Variants in ZNF485 observed in about 807,000 individuals in gnomAD.
ZNF485 encodes zinc finger protein 485, also known as Zinc finger protein 93 (Zinc finger protein HTF34).
A neutral mutation model predicts 10.8 loss-of-function variants in ZNF485; 9 were observed. The ratio of observed to expected loss-of-function variants is 0.83; its 90% CI spans 0.50 to 1.45. The LOEUF is 1.45. Among genes scored for constraint, ZNF485 ranks in the 40% most tolerant of loss-of-function variants. The probability of loss-of-function intolerance (pLI) is 0.00; values close to 1 mark genes in which losing one functional copy is unlikely to be tolerated. For missense variants in ZNF485, 487 were observed against 528.0 expected (o/e 0.92, Z 0.76); for synonymous variants, 187 against 181.0 (o/e 1.03, Z -0.27).
chr10:43,610,206 T>A (rs1364276797), intron 4 of ZNF485, among the ~76,000 whole-genome samples: 2 of 152,234 alleles, frequency 1.3e-5, no homozygotes, highest in Non-Finnish European at 2.9e-5. Context: ...CTCTTGGCTC[T>A]CATTTTTTTC....
At chr10:43,611,203 A>T (rs1012088113) in intron 4 of ZNF485, among the ~76,000 whole-genome samples, 1 of 151,624 alleles carries the variant, frequency 6.6e-6, no homozygotes, top group African/African-American at 2.4e-5. Flanking sequence ...ACCTGGCTAA[A>T]TTTTTTTATT....
In ZNF485 at chr10:43,608,717, A is replaced by T; in HGVS notation, c.128A>T (p.Asn43Ile). The T allele has an allele frequency of 6.2e-7, 1 of 1,614,050 alleles. No homozygotes were observed. Among genetic ancestry groups the T allele is most frequent in the Non-Finnish European group, 8.5e-7 (1 of 1,179,978 alleles). ...CTGTACAGGGATGTGATGCTGGAGA[A>T]CTATGGGAATCTGGTGTCTGTGGGT... Reference protein sequence around the residue: ...RALYRDVMLENYGNLVSVGLL... With the variant: ...RALYRDVMLEIYGNLVSVGLL... The change falls in exon 3 of 5, where the codon AAC becomes ATC. Residue 43 changes from asparagine (N) to isoleucine (I), a missense_variant. Coordinates refer to ENST00000361807, the MANE Select transcript of ZNF485 (RefSeq NM_145312.4).
rs890788820 is a variant in ZNF485 at position 43,609,452 on chromosome 10, G to A, written c.247+102G>A. The A allele has an allele frequency of 5.8e-6, 5 of 857,658 alleles. No homozygotes were observed. In the African/African-American group the frequency reaches 8.5e-5, roughly 15 times the overall value. The allele number at this position is 857,658 out of a possible 1,614,324, so 53.1% of individuals were successfully genotyped here. On this transcript the variant is annotated intron_variant, in intron 4 of 4. Coordinates refer to ENST00000361807, the MANE Select transcript of ZNF485 (RefSeq NM_145312.4). ...TTGAGTGCCCTGTTGGTGCAGAAAG[G>A]CACTGGTTTCCTCTTTTGATGTCAT...
In ZNF485 at chr10:43,608,749, G is replaced by A. The variant is rs1264155960; in HGVS notation, c.151+9G>A. On this transcript the variant is annotated intron_variant, in intron 3 of 4. Transcript: ENST00000361807. Reference sequence around the variant, plus strand: ...GAATCTGGTGTCTGTGGGTGAGGATGGCTTTCTCCTTGACTCAGGATTGGT... The same window carrying A: ...GAATCTGGTGTCTGTGGGTGAGGATAGCTTTCTCCTTGACTCAGGATTGGT... 5.0e-6 allele frequency: 8 copies of A among 1,613,278 alleles called. No individual in the cohort carries two copies. The African/African-American group carries it at 9.3e-5, about 19-fold the overall frequency.
At position 43,607,020 on chromosome 10, in the gene ZNF485, C is replaced by A. The variant is rs969394262; in HGVS notation, c.-31C>A. ...AGATTGACTTACGCAGGATTCTCAG[C>A]CCTTGCCTGGGAGAACAGTTCAGGA... On this transcript the variant is annotated 5_prime_UTR_variant, in exon 2 of 5. Transcript: ENST00000361807. 13 of 1,551,708 alleles carry A rather than the reference C, an allele frequency of 8.4e-6. No individual in the cohort carries two copies. Among genetic ancestry groups the A allele is most frequent in the Non-Finnish European group, 1.1e-5 (13 of 1,146,942 alleles).
Position 43,617,582 on chromosome 10 carries a change from G to T in ZNF485, c.*213G>T. The T allele has an allele frequency of 2.2e-6, 1 of 459,188 alleles. No individual in the cohort carries two copies. Among genetic ancestry groups the T allele is most frequent in the Non-Finnish European group, 3.8e-6 (1 of 261,802 alleles). 28.4% of individuals were successfully genotyped at this position (459,188 alleles called of 1,614,324 possible). On this transcript the variant is annotated 3_prime_UTR_variant, in exon 5 of 5. Transcript: ENST00000361807. Reference sequence around the variant, plus strand: ...TAGCATACTGTGTGCTAATTGAAAAGAATGAGGTGGAGCTGTAAATACTGT... The same window carrying T: ...TAGCATACTGTGTGCTAATTGAAAATAATGAGGTGGAGCTGTAAATACTGT...
intron 1 of ZNF485, 112 bp from the exon 2 acceptor site, chr10:43,606,885 C>T (rs1166394430): frequency 1.7e-5 from 13 of 748,622 alleles, no homozygotes; most frequent in Non-Finnish European, 2.5e-5. Flanking sequence ...CCACCTGGAC[C>T]TGTCTGCCCA....
chr10:43,614,187 C>G (rs1217375137), intron 4 of ZNF485, among the ~76,000 whole-genome samples: 1 of 150,544 alleles, frequency 6.6e-6, no homozygotes, highest in African/African-American at 2.5e-5. Context: ...TGCACTCAGC[C>G]TGGGCGACAG....
In ZNF485 at chr10:43,608,750, G is replaced by T; in HGVS notation, c.151+10G>T. 2.5e-6 allele frequency: 4 copies of T among 1,613,210 alleles called. No individual in the cohort carries two copies. In the South Asian group the frequency reaches 4.4e-5, roughly 18 times the overall value. On this transcript the variant is annotated intron_variant, in intron 3 of 4. Coordinates refer to ENST00000361807, the MANE Select transcript of ZNF485 (RefSeq NM_145312.4). ...AATCTGGTGTCTGTGGGTGAGGATGGCTTTCTCCTTGACTCAGGATTGGTC... is the reference window on the plus strand; with the variant it reads ...AATCTGGTGTCTGTGGGTGAGGATGTCTTTCTCCTTGACTCAGGATTGGTC...
rs1283355649 is a variant in ZNF485, at chr10:43,616,866, T to C, written c.823T>C (p.Cys275Arg). 6.2e-7 allele frequency: 1 copy of C among 1,614,022 alleles called. No individual in the cohort carries two copies. Among genetic ancestry groups the C allele is most frequent in the Non-Finnish European group, 8.5e-7 (1 of 1,180,008 alleles). Reference protein sequence around the residue: ...SGEKPFKCNKCGRAFRDNSTV... With the variant: ...SGEKPFKCNKRGRAFRDNSTV... ...AGAGAAGCCTTTTAAATGTAACAAG[T>C]GTGGGAGAGCTTTCAGGGATAATTC... is the stretch of plus-strand genomic sequence containing the variant. Residue 275 changes from cysteine to arginine, a missense_variant, in exon 5 of 5, where the codon TGT becomes CGT. Coordinates refer to ENST00000361807, the MANE Select transcript of ZNF485 (RefSeq NM_145312.4).
chr10:43,615,617 G>A (rs1415910786), intron 4 of ZNF485, among the ~76,000 whole-genome samples: 3 of 152,086 alleles, frequency 2.0e-5, no homozygotes, highest in Non-Finnish European at 4.4e-5. Context: ...GGCCAGGCTG[G>A]GCTCGAACTC....
Position 43,616,751 on chromosome 10 carries a change from T to C in ZNF485, c.708T>C (p.His236=), listed in dbSNP as rs771335565. Residue 236 remains histidine (H), a synonymous_variant, in exon 5 of 5, where the codon CAT becomes CAC. Transcript: ENST00000361807. ...TCCTTTTAAGTCATCAGAGAATTCA[T>C]ACTGGCCAGAAACCCTACAAATGTA... ...NSILLSHQRI[H]TGQKPYKCND... is the part of the protein sequence containing the mutation. The C allele has an allele frequency of 1.2e-6, 2 of 1,614,022 alleles. No individual in the cohort carries two copies. The highest frequency in any genetic ancestry group is 1.7e-5 in the Admixed American group (1 of 60,012).
At position 43,606,463 on chromosome 10, in the gene ZNF485, T is replaced by G. The variant is rs947412827; in HGVS notation, c.-138T>G. 1.7e-5 allele frequency: 7 copies of G among 403,842 alleles called. No homozygotes were observed. Among genetic ancestry groups the G allele is most frequent in the Non-Finnish European group, 2.3e-5 (5 of 215,300 alleles). 25.0% of individuals were successfully genotyped at this position (403,842 alleles called of 1,614,324 possible). The stretch of plus-strand genomic sequence containing the variant: ...GTGGTGCGAGCGCTGCACCAGCCCC[T>G]GGCTGGTGGTTACTGTCCGAACGGC... On this transcript the variant is annotated 5_prime_UTR_variant, in exon 1 of 5. Coordinates refer to ENST00000361807, the MANE Select transcript of ZNF485 (RefSeq NM_145312.4).
intron 4 of ZNF485, among the ~76,000 whole-genome samples, chr10:43,610,627 T>C (rs1319166466): frequency 6.6e-6 from 1 of 152,248 alleles, no homozygotes; most frequent in Non-Finnish European, 1.5e-5. Flanking sequence ...AACTTGGATG[T>C]AATGAAAACA....
chr10:43,607,207 T>A, intron 2 of ZNF485, 133 bp downstream of exon 2: 1 of 1,030,172 alleles, frequency 9.7e-7, no homozygotes, highest in Non-Finnish European at 1.5e-6. Flanking sequence ...GGTCCCGCGA[T>A]TTCCGTCCTG....
chr10:43,610,330 T>G (rs1838745410), intron 4 of ZNF485, among the ~76,000 whole-genome samples: 1 of 152,214 alleles, frequency 6.6e-6, no homozygotes, highest in Admixed American at 6.5e-5. Flanking sequence ...GCCAGTATTT[T>G]TTCTTCTAAA....
chr10:43,607,411 G>A, intron 2 of ZNF485: 1 of 372,542 alleles, frequency 2.7e-6, no homozygotes, highest in Non-Finnish European at 4.9e-6. Flanking sequence ...GGGTGGGAGG[G>A]GTGGAGTAGT....
At chr10:43,612,399 A>G (rs760377385) in intron 4 of ZNF485, among the ~76,000 whole-genome samples, 3 of 151,886 alleles carry the variant, frequency 2.0e-5, no homozygotes, top group Non-Finnish European at 4.4e-5. Flanking sequence ...GGTCTTTCAT[A>G]TTTTTATCCT....
intron 4 of ZNF485, among the ~76,000 whole-genome samples, chr10:43,610,996 A>G (rs1224424506): frequency 6.6e-6 from 1 of 152,170 alleles, no homozygotes; most frequent in Non-Finnish European, 1.5e-5. Flanking sequence ...GTCATTTGAC[A>G]TAACTATATT....
Sources: allele counts gnomAD v4.1 joint callset (sites outside exome capture counted in the v4.1 genomes callset), GRCh38; gene constraint gnomAD v4.1.1; transcripts MANE v1.5; gene names NCBI Gene and HGNC (gene_info 2026-07-23, HGNC 2026-07-21).